Variants in TSHZ2 observed in about 807,000 individuals in gnomAD.
TSHZ2 encodes the protein teashirt zinc finger homeobox 2, also known as teashirt homolog 2.
Under a neutral mutation model 74.4 loss-of-function variants are expected in TSHZ2, and 21 were observed. The ratio of observed to expected loss-of-function variants is 0.28; its 90% CI spans 0.20 to 0.41. The LOEUF is 0.41. TSHZ2 is among the 10% of genes least tolerant of loss of function. The probability of loss-of-function intolerance (pLI) is 1.00; values close to 1 mark genes in which losing one functional copy is unlikely to be tolerated. For missense variants in TSHZ2, 1,244 were observed against 1,293.5 expected, an observed-to-expected ratio of 0.96 and a Z score of 0.59; for synonymous variants, 540 against 515.3, an observed-to-expected ratio of 1.05 and a Z score of -0.65.
intron 1 of TSHZ2, among the ~76,000 whole-genome samples, chr20:53,235,629 A>G (rs1989925447): frequency 6.6e-6 from 1 of 152,242 alleles, no homozygotes; most frequent in Admixed American, 6.5e-5. Context: ...GGCACACAGT[A>G]GGTACTTGAA....
intron 1 of TSHZ2, among the ~76,000 whole-genome samples, chr20:52,974,418 A>T (rs1981250449): frequency 6.6e-6 from 1 of 152,108 alleles, no homozygotes; most frequent in Admixed American, 6.5e-5. Flanking sequence ...ATGCACAATT[A>T]TTATCTTGTT....
At chr20:53,448,984 A>C (rs1397728419) in intron 2 of TSHZ2, among the ~76,000 whole-genome samples, 1 of 152,196 alleles carries the variant, frequency 6.6e-6, no homozygotes, top group Non-Finnish European at 1.5e-5. Context: ...CCACACACAA[A>C]AAAAAGATGT....
chr20:53,162,482 G>GT (rs1364757091), intron 1 of TSHZ2, among the ~76,000 whole-genome samples: 1 of 152,168 alleles, frequency 6.6e-6, no homozygotes, highest in African/African-American at 2.4e-5. Context: ...TTCTCTGATG[G>GT]TAAAGAGATG....
chr20:53,461,150 C>T (rs1264531389), intron 2 of TSHZ2, among the ~76,000 whole-genome samples: 8 of 152,090 alleles, frequency 5.3e-5, no homozygotes, highest in Admixed American at 2.6e-4. Flanking sequence ...CTCGCTGCCG[C>T]CTTGCAGTTT....
In TSHZ2 at chr20:53,454,561, C is replaced by CA. The variant is rs1250214885; in HGVS notation, c.*9-32568dup. ...TGGGTGACAGAGTGAAACTTGGTCTCAAAAAAAAAAAAAAAGTCTTTAAAA... is the reference window on the plus strand; with the variant it reads ...TGGGTGACAGAGTGAAACTTGGTCTCAAAAAAAAAAAAAAAAGTCTTTAAAA... On this transcript the variant is annotated intron_variant, in intron 2 of 2. Coordinates refer to ENST00000371497, the MANE Select transcript of TSHZ2 (RefSeq NM_173485.6). Among the ~76,000 whole-genome samples the CA allele has an allele frequency of 6.6e-3, 691 of 104,538 alleles. 1 individual carries two copies. Among genetic ancestry groups the CA allele is most frequent in the Middle Eastern group, 0.025 (5 of 200 alleles). 68.6% of individuals were successfully genotyped at this position (104,538 alleles called of 152,430 possible).
chr20:53,460,997 T>G (rs1985340194), intron 2 of TSHZ2, among the ~76,000 whole-genome samples: 1 of 152,234 alleles, frequency 6.6e-6, no homozygotes, highest in Non-Finnish European at 1.5e-5. Context: ...TCTTTTTGTT[T>G]GTCTGTGCCC....
chr20:53,405,422 C>T (rs1982815309), intron 2 of TSHZ2, among the ~76,000 whole-genome samples: 1 of 152,198 alleles, frequency 6.6e-6, no homozygotes, highest in East Asian at 1.9e-4. Flanking sequence ...GAAGTCAGCA[C>T]TTGAAGGTAG....
At chr20:53,220,091 C>T (rs1309368784) in intron 1 of TSHZ2, among the ~76,000 whole-genome samples, 6 of 152,144 alleles carry the variant, frequency 3.9e-5, no homozygotes, top group African/African-American at 1.4e-4. Context: ...ACAATGAGGG[C>T]TCTCAGATTT....
intron 1 of TSHZ2, among the ~76,000 whole-genome samples, chr20:53,094,694 CA>C (rs1263945529): frequency 6.6e-6 from 1 of 152,188 alleles, no homozygotes; most frequent in Non-Finnish European, 1.5e-5. Context: ...GTCATTATAA[CA>C]GGTGTCAAAA....
intron 2 of TSHZ2, among the ~76,000 whole-genome samples, chr20:53,257,944 G>A (rs1265008838): frequency 6.6e-6 from 1 of 152,226 alleles, no homozygotes; most frequent in Non-Finnish European, 1.5e-5. Context: ...CAGGTAGAGA[G>A]CGGTATTTAC....
intron 1 of TSHZ2, among the ~76,000 whole-genome samples, chr20:53,188,605 G>A (rs981257118): frequency 6.6e-6 from 1 of 152,130 alleles, no homozygotes; most frequent in Non-Finnish European, 1.5e-5. Flanking sequence ...ATGTCCACAA[G>A]CCTTGTTAGG....
At chr20:53,055,850 T>G (rs145547518) in intron 1 of TSHZ2, among the ~76,000 whole-genome samples, 2 of 152,300 alleles carry the variant, frequency 1.3e-5, no homozygotes, top group East Asian at 3.9e-4. Context: ...TCAGCTACAT[T>G]TATTTGTTTA....
intron 1 of TSHZ2, among the ~76,000 whole-genome samples, chr20:53,245,983 C>T (rs1990191238): frequency 6.6e-6 from 1 of 151,604 alleles, no homozygotes; most frequent in South Asian, 2.1e-4. Context: ...ACCTGGCAAT[C>T]CCAAACTCCA....
At chr20:53,454,302 A>G (rs1984955705) in intron 2 of TSHZ2, among the ~76,000 whole-genome samples, 1 of 152,006 alleles carries the variant, frequency 6.6e-6, no homozygotes. Context: ...GGTGGCTCAC[A>G]CCTGTAATCC....
At chr20:53,377,112 A>G (rs567773511) in intron 2 of TSHZ2, among the ~76,000 whole-genome samples, 20 of 152,298 alleles carry the variant, frequency 1.3e-4, no homozygotes, top group Admixed American at 1.1e-3. Flanking sequence ...TGCAAGTCCA[A>G]CTCAAACATG....
chr20:53,326,105 T>G (rs1014827578), intron 2 of TSHZ2, among the ~76,000 whole-genome samples: 1 of 152,182 alleles, frequency 6.6e-6, no homozygotes, highest in African/African-American at 2.4e-5. Flanking sequence ...TTAAAGCAAG[T>G]GTCTTACACC....
chr20:53,447,123 T>TGCATAA (rs1238326611), intron 2 of TSHZ2, among the ~76,000 whole-genome samples: 1 of 152,238 alleles, frequency 6.6e-6, no homozygotes, highest in Non-Finnish European at 1.5e-5. Flanking sequence ...CAGAGACTGC[T>TGCATAA]GCATAAGCAT....
chr20:53,375,030 T>C (rs1410009317), intron 2 of TSHZ2, among the ~76,000 whole-genome samples: 2 of 152,138 alleles, frequency 1.3e-5, no homozygotes, highest in Non-Finnish European at 2.9e-5. Flanking sequence ...GAGGCATTTA[T>C]TTCATTGAGA....
chr20:53,139,464 T>C (rs1008368168), intron 1 of TSHZ2, among the ~76,000 whole-genome samples: 7 of 152,210 alleles, frequency 4.6e-5, no homozygotes, highest in Non-Finnish European at 8.8e-5. Context: ...TAAAAAGTAT[T>C]TGCCCTGCGT....
Sources: allele counts gnomAD v4.1 joint callset (sites outside exome capture counted in the v4.1 genomes callset), GRCh38; gene constraint gnomAD v4.1.1; transcripts MANE v1.5; gene names NCBI Gene and HGNC (gene_info 2026-07-23, HGNC 2026-07-21).